Variants in MBD3L1 observed in about 807,000 individuals in gnomAD.
The protein encoded by MBD3L1 is methyl-CpG-binding domain protein 3-like 1.
For missense variants in MBD3L1, 203 were observed against 230.1 expected (o/e 0.88, Z 0.76); for synonymous variants, 84 against 85.1 (o/e 0.99, Z 0.07).
chr19:8,843,069 A>G lies in MBD3L1; in HGVS notation c.391A>G (p.Ile131Val), dbSNP rs752337827. The part of the protein sequence containing the change: ...HLACSSDAVE[I>V]IPAEGVGISQ... ...TGCCTGCTCTTCAGATGCGGTGGAGATAATTCCTGCAGAGGGAGTGGGTAT... is the reference window on the plus strand; with the variant it reads ...TGCCTGCTCTTCAGATGCGGTGGAGGTAATTCCTGCAGAGGGAGTGGGTAT... The change falls in exon 3 of 3, where the codon ATA becomes GTA. Residue 131 changes from isoleucine to valine, a missense_variant. Ile to Val is a conservative substitution (Grantham distance 29). Coordinates refer to ENST00000595891, the MANE Select transcript of MBD3L1 (RefSeq NM_001393532.1). 3 of 1,613,968 alleles carry G rather than the reference A, an allele frequency of 1.9e-6. No homozygotes were observed. In the East Asian group the frequency reaches 6.7e-5, roughly 36 times the overall value.
chr19:8,836,531 A>G (rs1370418842), intron 1 of MBD3L1, among the ~76,000 whole-genome samples: 1 of 146,856 alleles, frequency 6.8e-6, no homozygotes, highest in African/African-American at 2.5e-5. Flanking sequence ...TTGCTTTGTC[A>G]CCCAGGCTGG....
rs1329115056 is a variant in MBD3L1, at chr19:8,840,422, C to T, written c.-106-493C>T. Among the ~76,000 whole-genome samples, 7 of 152,236 alleles carry T rather than the reference C, an allele frequency of 4.6e-5. No homozygotes were observed. The East Asian group carries it at 1.4e-3, about 29-fold the overall frequency. On this transcript the variant is annotated intron_variant, in intron 1 of 2. Transcript: ENST00000595891. ...GCTCAAGCTATCCTCTTCACTCGGC[C>T]TCCCTCACTCAGCTGGGACCTCAGA...
intron 1 of MBD3L1, among the ~76,000 whole-genome samples, chr19:8,840,194 A>C (rs186853496): frequency 0.011 from 1,729 of 152,140 alleles, 18 homozygotes; most frequent in African/African-American, 0.027. Flanking sequence ...AAAAAAAAAA[A>C]AAAAACAAAA....
At chr19:8,838,173 A>G (rs193059988) in intron 1 of MBD3L1, among the ~76,000 whole-genome samples, 3,408 of 145,356 alleles carry the variant, frequency 0.023, 60 homozygotes, top group Middle Eastern at 0.072. Flanking sequence ...GCTTGAACCC[A>G]GGAGGCAGAG....
chr19:8,838,239 C>A (rs937434625), intron 1 of MBD3L1, among the ~76,000 whole-genome samples: 17 of 65,492 alleles, frequency 2.6e-4, no homozygotes, highest in Non-Finnish European at 5.2e-4. Flanking sequence ...GACGACAGAG[C>A]AAGACTCCAT....
chr19:8,842,694 C>T lies in MBD3L1; in HGVS notation c.16C>T (p.Gln6Ter). 6.2e-7 allele frequency: 1 copy of T among 1,613,642 alleles called. No individual in the cohort carries two copies. Among genetic ancestry groups the T allele is most frequent in the Non-Finnish European group, 8.5e-7 (1 of 1,179,672 alleles). ...AAGAAGTGTGATGGCCAAGAGTTCA[C>T]AGAGGAAGCAACGTGACTGTGTAAA... MAKSS[Q>*]RKQRDCVNQC... Residue 6 changes from glutamine (Q) to a stop codon, truncating the protein, a stop_gained, in exon 3 of 3, where the codon CAG becomes TAG. Coordinates refer to ENST00000595891, the MANE Select transcript of MBD3L1 (RefSeq NM_001393532.1). LOFTEE classifies it low-confidence loss of function (END_TRUNC).
intron 1 of MBD3L1, among the ~76,000 whole-genome samples, chr19:8,839,254 G>T (rs1317529666): frequency 2.9e-5 from 4 of 139,724 alleles, no homozygotes; most frequent in Non-Finnish European, 6.0e-5. Flanking sequence ...GCGCCATCTC[G>T]GCTCACTGCA....
At chr19:8,839,886 A>G (rs2044493533) in intron 1 of MBD3L1, among the ~76,000 whole-genome samples, 1 of 152,148 alleles carries the variant, frequency 6.6e-6, no homozygotes, top group Admixed American at 6.5e-5. Flanking sequence ...CGAAGAAGGG[A>G]TTCAGTAGAA....
At chr19:8,838,870 G>A (rs2044481666) in intron 1 of MBD3L1, among the ~76,000 whole-genome samples, 1 of 152,132 alleles carries the variant, frequency 6.6e-6, no homozygotes, top group Non-Finnish European at 1.5e-5. Flanking sequence ...CACGTGAGGT[G>A]TGCAGATAAG....
At chr19:8,842,055 C>T (rs1316974422) in intron 2 of MBD3L1, among the ~76,000 whole-genome samples, 1 of 151,576 alleles carries the variant, frequency 6.6e-6, no homozygotes, top group Non-Finnish European at 1.5e-5. Context: ...GGGCTGGGCA[C>T]GGTCGCCCAT....
At chr19:8,835,626 C>T (rs1339520014) in intron 1 of MBD3L1, among the ~76,000 whole-genome samples, 1 of 152,142 alleles carries the variant, frequency 6.6e-6, no homozygotes, top group African/African-American at 2.4e-5. Context: ...TTGGCAGTTC[C>T]TCAAAAAGTC....
At chr19:8,835,979 T>C (rs958238114) in intron 1 of MBD3L1, among the ~76,000 whole-genome samples, 1 of 151,930 alleles carries the variant, frequency 6.6e-6, no homozygotes, top group Non-Finnish European at 1.5e-5. Flanking sequence ...AAAGAGACAA[T>C]AGATTAGTGG....
At chr19:8,838,277 A>AAAAAAAAAAAAAAAAAAAC (rs1206431073) in intron 1 of MBD3L1, among the ~76,000 whole-genome samples, 2 of 147,546 alleles carry the variant, frequency 1.4e-5, no homozygotes, top group Non-Finnish European at 3.0e-5. Flanking sequence ...AAAAAAAAAA[A>AAAAAAAAAAAAAAAAAAAC]AAAAAAGATC....
intron 1 of MBD3L1, among the ~76,000 whole-genome samples, chr19:8,834,117 T>C (rs1302086094): frequency 2.0e-5 from 3 of 152,244 alleles, no homozygotes; most frequent in Admixed American, 2.0e-4. Flanking sequence ...TTTCAATGAA[T>C]GATATTGTTT....
chr19:8,839,446 C>T (rs954796259), intron 1 of MBD3L1, among the ~76,000 whole-genome samples: 23 of 152,000 alleles, frequency 1.5e-4, no homozygotes, highest in Admixed American at 3.9e-4. Context: ...ATGATCTGCC[C>T]GCCTCGGCCT....
At chr19:8,837,045 G>A (rs1157762658) in intron 1 of MBD3L1, among the ~76,000 whole-genome samples, 1 of 152,178 alleles carries the variant, frequency 6.6e-6, no homozygotes, top group Non-Finnish European at 1.5e-5. Context: ...TTAAAATAAT[G>A]GCATTATGTT....
Position 8,842,507 on chromosome 19 carries a change from C to A in MBD3L1, c.-21-151C>A, listed in dbSNP as rs1028726706. On this transcript the variant is annotated intron_variant, in intron 2 of 2. Transcript: ENST00000595891. ...GACCTTGAACTTTCTGTGCTTGACT[C>A]AAATCTGCCTGATGATGTCCCAGGA... The A allele has an allele frequency of 8.4e-6, 5 of 594,928 alleles. No homozygotes were observed. The South Asian group carries it at 1.1e-4, about 13-fold the overall frequency. 36.9% of individuals were successfully genotyped at this position (594,928 alleles called of 1,614,324 possible).
At chr19:8,835,791 TGAATG>T (rs2044449108) in intron 1 of MBD3L1, among the ~76,000 whole-genome samples, 1 of 152,218 alleles carries the variant, frequency 6.6e-6, no homozygotes. Context: ...AGTCAACTGA[TGAATG>T]GATAAATAAA....
chr19:8,842,840 A>G lies in MBD3L1; in HGVS notation c.162A>G (p.Gln54=), dbSNP rs1287071751. The part of the protein sequence containing the change: ...PHPGNEVRYH[Q]WEESLEKPQQ... ...CTGGCAATGAGGTCAGATACCATCA[A>G]TGGGAGGAGAGCTTGGAGAAGCCTC... Residue 54 remains glutamine, a synonymous_variant, in exon 3 of 3, where the codon CAA becomes CAG. Transcript: ENST00000595891. 16 of 1,614,224 alleles carry G rather than the reference A, an allele frequency of 9.9e-6. No homozygotes were observed. The highest frequency in any genetic ancestry group is 1.3e-5 in the African/African-American group (1 of 75,054).
Sources: gnomAD v4.1 joint callset for allele counts (sites outside exome capture counted in the v4.1 genomes callset) on GRCh38, gnomAD v4.1.1 for gene constraint, MANE v1.5 for transcripts, NCBI Gene and HGNC (gene_info 2026-07-23, HGNC 2026-07-21) for gene names.